Variants in MLLT3 observed in about 807,000 individuals in gnomAD.
The protein encoded by MLLT3 is MLLT3 super elongation complex subunit, also known as protein AF-9.
Under a neutral mutation model 53.2 loss-of-function variants are expected in MLLT3, and 4 were observed. That is an observed-to-expected ratio of 0.08 (90% CI 0.04 to 0.17). The LOEUF is 0.17. Ranked by LOEUF, MLLT3 falls within the 10% of genes least tolerant of loss-of-function variation. MLLT3 has a pLI of 1.00. For synonymous variants in MLLT3, 283 were observed against 230.6 expected, an observed-to-expected ratio of 1.23 and a Z score of -2.06; for missense variants, 569 against 684.0, an observed-to-expected ratio of 0.83 and a Z score of 1.87.
intron 4 of MLLT3, among the ~76,000 whole-genome samples, chr9:20,422,298 A>AT (rs964279025): frequency 1.2e-4 from 19 of 152,186 alleles, no homozygotes; most frequent in African/African-American, 4.6e-4. Flanking sequence ...ATAATCTCCC[A>AT]TTTTTTAAGG....
intron 4 of MLLT3, among the ~76,000 whole-genome samples, chr9:20,425,600 T>A (rs1823121758): frequency 6.6e-6 from 1 of 152,138 alleles, no homozygotes; most frequent in Admixed American, 6.6e-5. Context: ...ACACTTCAAT[T>A]TTCCTTCTGA....
Position 20,414,148 on chromosome 9 carries a change from G to C in MLLT3, c.698C>G (p.Ser233Cys), listed in dbSNP as rs1156243397. Residue 233 changes from serine to cysteine, a missense_variant, in exon 5 of 11, where the codon TCT becomes TGT. This residue lies in a region of MLLT3 where 437 missense variants were observed against 376.5 expected (regional missense o/e 1.16). Coordinates refer to ENST00000380338, the MANE Select transcript of MLLT3 (RefSeq NM_004529.4). ...TGGTTTATTTTCTTTGGGTTTCTTA[G>C]AGGATTCTTTGGAAGATTTGTTGTG... is the stretch of plus-strand genomic sequence containing the variant. ...RDHNKSSKESSKKPKENKPLK... is the reference protein window; with the variant it reads ...RDHNKSSKESCKKPKENKPLK... 1.2e-6 allele frequency: 2 copies of C among 1,613,972 alleles called. No homozygotes were observed. The highest frequency in any genetic ancestry group is 1.3e-5 in the African/African-American group (1 of 74,902).
At chr9:20,529,475 C>T (rs1191757840) in intron 2 of MLLT3, among the ~76,000 whole-genome samples, 1 of 152,034 alleles carries the variant, frequency 6.6e-6, no homozygotes, top group African/African-American at 2.4e-5. Context: ...AAACCCAAAC[C>T]CAAATACAGT....
intron 3 of MLLT3, among the ~76,000 whole-genome samples, chr9:20,450,051 G>A (rs556395728): frequency 2.0e-5 from 3 of 152,218 alleles, no homozygotes; most frequent in South Asian, 2.1e-4. Flanking sequence ...CATGCATTAT[G>A]TTAAACTAAA....
chr9:20,502,388 T>G (rs542590387), intron 2 of MLLT3: 1 of 153,004 alleles, frequency 6.5e-6, no homozygotes, highest in Non-Finnish European at 1.5e-5. Flanking sequence ...AGGAGCTGAA[T>G]TCTACAGGTA....
intron 4 of MLLT3, among the ~76,000 whole-genome samples, chr9:20,437,539 A>C (rs1307840287): frequency 6.6e-6 from 1 of 152,180 alleles, no homozygotes; most frequent in African/African-American, 2.4e-5. Flanking sequence ...GTAGTGGACG[A>C]AAGAAGCCAA....
intron 2 of MLLT3, among the ~76,000 whole-genome samples, chr9:20,547,515 G>T (rs1188974799): frequency 6.6e-6 from 1 of 151,768 alleles, no homozygotes; most frequent in Non-Finnish European, 1.5e-5. Flanking sequence ...TGTGGTGGTG[G>T]GCACTGTAAT....
At chr9:20,541,038 A>T (rs969073054) in intron 2 of MLLT3, among the ~76,000 whole-genome samples, 37 of 152,300 alleles carry the variant, frequency 2.4e-4, no homozygotes, top group African/African-American at 8.2e-4. Context: ...TCAAGTTCAA[A>T]GTTCCACAAA....
At chr9:20,552,335 G>C (rs1818944922) in intron 2 of MLLT3, among the ~76,000 whole-genome samples, 1 of 152,188 alleles carries the variant, frequency 6.6e-6, no homozygotes, top group African/African-American at 2.4e-5. Flanking sequence ...ACAAGGTAGA[G>C]TTCAGGTGCA....
intron 10 of MLLT3, among the ~76,000 whole-genome samples, chr9:20,348,810 G>C (rs10964541): frequency 0.37 from 55,511 of 152,036 alleles, 13,875 homozygotes; most frequent in African/African-American, 0.71. Context: ...GAACTTTCAA[G>C]AAGTCTTCCA....
At chr9:20,391,253 A>G (rs1006420511) in intron 5 of MLLT3, among the ~76,000 whole-genome samples, 9 of 152,228 alleles carry the variant, frequency 5.9e-5, no homozygotes, top group Non-Finnish European at 1.5e-5. Context: ...CATCTAAGTG[A>G]CTGATTATCT....
intron 2 of MLLT3, among the ~76,000 whole-genome samples, chr9:20,579,144 G>T (rs946324776): frequency 6.6e-6 from 1 of 152,152 alleles, no homozygotes; most frequent in African/African-American, 2.4e-5. Flanking sequence ...AGTGCAGGAG[G>T]ATTGCTTGAG....
At chr9:20,533,785 T>C (rs2118999791) in intron 2 of MLLT3, among the ~76,000 whole-genome samples, 1 of 152,322 alleles carries the variant, frequency 6.6e-6, no homozygotes, top group African/African-American at 2.4e-5. Context: ...ATGCTAAGTG[T>C]AATAAGCTAG....
chr9:20,567,529 T>C (rs566771151), intron 2 of MLLT3, among the ~76,000 whole-genome samples: 32 of 152,238 alleles, frequency 2.1e-4, no homozygotes, highest in Admixed American at 1.8e-3. Context: ...GATTTGAACA[T>C]TGAAATTTCA....
At chr9:20,388,315 G>A (rs1822091332) in intron 5 of MLLT3, among the ~76,000 whole-genome samples, 1 of 152,204 alleles carries the variant, frequency 6.6e-6, no homozygotes. Context: ...CTGGCCGGGT[G>A]CGGTGGCTCA....
intron 3 of MLLT3, among the ~76,000 whole-genome samples, chr9:20,449,951 A>G (rs949545442): frequency 6.6e-6 from 1 of 152,200 alleles, no homozygotes; most frequent in African/African-American, 2.4e-5. Flanking sequence ...CACCTGTGTG[A>G]CAGTGACTCC....
chr9:20,355,095 T>TAAAAAAAAAAAAAAAAAAA (rs531598773), intron 8 of MLLT3, among the ~76,000 whole-genome samples: 5 of 64,146 alleles, frequency 7.8e-5, no homozygotes, highest in African/African-American at 1.1e-4. Flanking sequence ...AAAGTAGAAC[T>TAAAAAAAAAAAAAAAAAAA]AAAAAAAAAA....
rs1316570459 is a variant in MLLT3, at chr9:20,621,946, AGTGT to A, written c.12+295_12+298del. 5.1e-6 allele frequency: 7 copies of A among 1,371,524 alleles called. No homozygotes were observed. The African/African-American group carries it at 6.3e-5, about 12-fold the overall frequency. The allele number at this position is 1,371,524 out of a possible 1,614,324, so 85.0% of individuals were successfully genotyped here. ...GAGTGCGCGCGTGTGAGCGAGAGGGAGTGTGTGAGTGCGCTTCTTGTGACTGCAA... is the reference window on the plus strand; with the variant it reads ...GAGTGCGCGCGTGTGAGCGAGAGGGAGTGAGTGCGCTTCTTGTGACTGCAA... On this transcript the variant is annotated intron_variant, in intron 1 of 10. Transcript: ENST00000380338. This position sits in a 1 kb window ranked among gnomAD's most constrained non-coding sequence, Gnocchi z 7.0.
chr9:20,550,306 C>T (rs1356919604), intron 2 of MLLT3, among the ~76,000 whole-genome samples: 3 of 152,186 alleles, frequency 2.0e-5, no homozygotes, highest in South Asian at 2.1e-4. Context: ...AGATACACAG[C>T]CCTTCCTTCA....
Sources: gnomAD v4.1 joint callset for allele counts (sites outside exome capture counted in the v4.1 genomes callset) on GRCh38, gnomAD v4.1.1 for gene constraint, gnomAD v4.1.1 regional missense constraint, Gnocchi (gnomAD v3.1) non-coding constraint, MANE v1.5 for transcripts, NCBI Gene and HGNC (gene_info 2026-07-23, HGNC 2026-07-21) for gene names.